Variants in TENM3 observed in about 807,000 individuals in gnomAD.
TENM3 encodes the protein teneurin transmembrane protein 3.
In TENM3, 63 loss-of-function variants were observed where a neutral mutation model predicts 255.1. That is an observed-to-expected ratio of 0.25 (90% confidence interval 0.20 to 0.30). The LOEUF is 0.30. Among genes scored for constraint, TENM3 ranks in the 10% least tolerant of loss-of-function variants. TENM3 has a pLI of 1.00. For missense variants in TENM3, 2,929 were observed against 3,461.1 expected (o/e 0.85, Z 3.86); for synonymous variants, 1,306 against 1,322.3 (o/e 0.99, Z 0.27).
chr4:182,492,246 A>C (rs1735369186), intron 3 of TENM3, among the ~76,000 whole-genome samples: 1 of 152,178 alleles, frequency 6.6e-6, no homozygotes, highest in African/African-American at 2.4e-5. Context: ...CAAGTGGTTC[A>C]GTAATATAAG....
At chr4:182,601,383 A>C (rs1352390224) in intron 4 of TENM3, among the ~76,000 whole-genome samples, 1 of 152,124 alleles carries the variant, frequency 6.6e-6, no homozygotes, top group East Asian at 1.9e-4. Flanking sequence ...AAGAGATGAG[A>C]ATAAATTACT....
intron 3 of TENM3, among the ~76,000 whole-genome samples, chr4:182,353,986 C>T (rs1411778193): frequency 1.3e-5 from 2 of 151,194 alleles, no homozygotes; most frequent in Non-Finnish European, 1.5e-5. Flanking sequence ...AAAAAAGTTA[C>T]GATTTAAATA....
At chr4:181,862,254 A>G in the TENM3 span, among the ~76,000 whole-genome samples, 1 of 152,004 alleles carries the variant, frequency 6.6e-6, no homozygotes, top group Non-Finnish European at 1.5e-5. Context: ...CTTTTCTACA[A>G]ATATGAAACT....
At chr4:181,520,946 C>T in the TENM3 span, among the ~76,000 whole-genome samples, 1 of 152,222 alleles carries the variant, frequency 6.6e-6, no homozygotes. Context: ...CTTTCTTACA[C>T]TTTAATCTTC....
At chr4:181,752,711 C>G in the TENM3 span, among the ~76,000 whole-genome samples, 1 of 151,598 alleles carries the variant, frequency 6.6e-6, no homozygotes, top group East Asian at 1.9e-4. Flanking sequence ...GCAGACAGCA[C>G]AGAACAGAAA....
In TENM3 at chr4:182,238,164, C is replaced by T. The variant is rs201685855; in HGVS notation, c.-75-85782C>T. On this transcript the variant is annotated intron_variant, in intron 1 of 2. Transcript: ENST00000512480. ...TCATAAATAATGCCCTTCCCTTCCT[C>T]GTGTCTTGGCTGCTTTAGCCTCAGG... is the stretch of plus-strand genomic sequence containing the variant. 2.6e-4 allele frequency among the ~76,000 whole-genome samples: 40 copies of T among 152,250 alleles called. 1 individual carries two copies. The East Asian group carries it at 2.7e-3, about 10-fold the overall frequency.
chr4:181,678,891 C>A, the TENM3 span, among the ~76,000 whole-genome samples: 1 of 149,666 alleles, frequency 6.7e-6, no homozygotes, highest in Non-Finnish European at 1.5e-5. Context: ...CATTATCTAC[C>A]AATAAAAGCT....
chr4:182,168,545 G>A (rs1044490648), intron 1 of TENM3, among the ~76,000 whole-genome samples: 7 of 152,086 alleles, frequency 4.6e-5, no homozygotes, highest in African/African-American at 1.4e-4. Flanking sequence ...CTATGAAACC[G>A]CTGCTGATAC....
At chr4:182,460,974 T>A (rs1774280100) in intron 3 of TENM3, among the ~76,000 whole-genome samples, 1 of 152,224 alleles carries the variant, frequency 6.6e-6, no homozygotes, top group African/African-American at 2.4e-5. Flanking sequence ...ATTTGCTACC[T>A]AGTAAGCGCT....
chr4:182,040,264 G>C, the TENM3 span, among the ~76,000 whole-genome samples: 604 of 80,246 alleles, frequency 7.5e-3, 6 homozygotes, highest in African/African-American at 8.4e-3. Flanking sequence ...GAGGGGAGGG[G>C]AGAAGAGGGC....
chr4:181,929,093 G>A, the TENM3 span, among the ~76,000 whole-genome samples: 786 of 152,174 alleles, frequency 5.2e-3, 3 homozygotes, highest in African/African-American at 0.018. Context: ...TGTAAAGACC[G>A]TCGACACTAT....
chr4:182,141,670 C>T (rs11132112), upstream of TENM3: 62,126 of 152,076 alleles, frequency 0.41, 13,706 homozygotes, highest in Admixed American at 0.55. Context: ...ATAGTGTGAA[C>T]GTTCAGCATT....
chr4:182,432,137 A>G (rs569631080), intron 3 of TENM3, among the ~76,000 whole-genome samples: 1 of 152,236 alleles, frequency 6.6e-6, no homozygotes, highest in East Asian at 1.9e-4. Context: ...GGGGAATACA[A>G]GAGAGAAAGA....
At chr4:181,948,479 G>C in the TENM3 span, among the ~76,000 whole-genome samples, 1 of 152,004 alleles carries the variant, frequency 6.6e-6, no homozygotes, top group African/African-American at 2.4e-5. Flanking sequence ...TCAGTGGTGC[G>C]ATCTCACCTC....
the TENM3 span, among the ~76,000 whole-genome samples, chr4:181,916,842 A>G: frequency 1.3e-5 from 2 of 152,080 alleles, no homozygotes; most frequent in African/African-American, 4.8e-5. Context: ...CGCCACTGCA[A>G]TCCAGCCTGG....
the TENM3 span, among the ~76,000 whole-genome samples, chr4:182,039,088 G>A: frequency 6.6e-6 from 1 of 152,074 alleles, no homozygotes; most frequent in South Asian, 2.1e-4. Flanking sequence ...AGAAACCCTA[G>A]AACACTGCCT....
At chr4:182,335,076 T>C (rs4266329) in intron 2 of TENM3, among the ~76,000 whole-genome samples, 104,225 of 151,622 alleles carry the variant, frequency 0.69, 35,904 homozygotes, top group Non-Finnish European at 0.71. Flanking sequence ...CATATTCCTG[T>C]TGGAGTAAGA....
Position 182,800,420 on chromosome 4 carries a change from ACT to A in TENM3, c.*73_*74del. On this transcript the variant is annotated 3_prime_UTR_variant, in exon 28 of 28. Coordinates refer to ENST00000511685, the MANE Select transcript of TENM3 (RefSeq NM_001080477.4). ...TGTCCTGTGGCACAACCCGAGTGGG[ACT>A]CTCCAACGCCCAAGAGCCTTCCTCC... 1 of 1,469,718 alleles carries A rather than the reference ACT, an allele frequency of 6.8e-7. No homozygotes were observed. Among genetic ancestry groups the A allele is most frequent in the Non-Finnish European group, 9.0e-7 (1 of 1,110,368 alleles). 91.0% of individuals were successfully genotyped at this position (1,469,718 alleles called of 1,614,324 possible). A position where few individuals can be genotyped will look rare whatever the true frequency, so the allele number is the denominator to read the frequency against.
the TENM3 span, among the ~76,000 whole-genome samples, chr4:181,888,472 GAAAC>G: frequency 1.6e-5 from 2 of 123,992 alleles, no homozygotes; most frequent in Admixed American, 9.2e-5. Context: ...GTTCTCCAGA[GAAAC>G]AAAACCAATA....
Sources: allele counts gnomAD v4.1 joint callset (sites outside exome capture counted in the v4.1 genomes callset), GRCh38; gene constraint gnomAD v4.1.1; transcripts MANE v1.5; gene names NCBI Gene and HGNC (gene_info 2026-07-23, HGNC 2026-07-21).